Variants in THNSL1 observed in about 807,000 individuals in gnomAD.
The protein encoded by THNSL1 is threonine synthase like 1.
In THNSL1, 48 loss-of-function variants were observed where a neutral mutation model predicts 50.4. The ratio of observed to expected loss-of-function variants is 0.95; its 90% CI spans 0.76 to 1.21. The LOEUF is 1.21. Ranked by LOEUF, THNSL1 falls within the 50% of genes most tolerant of loss-of-function variation. The probability of loss-of-function intolerance (pLI) is 0.00; values close to 1 mark genes in which losing one functional copy is unlikely to be tolerated. For missense variants in THNSL1, 896 were observed against 871.7 expected, an observed-to-expected ratio of 1.03 and a Z score of -0.35; for synonymous variants, 309 against 306.1, an observed-to-expected ratio of 1.01 and a Z score of -0.10.
At chr10:24,954,769 C>T in the THNSL1 span, among the ~76,000 whole-genome samples, 6 of 152,052 alleles carry the variant, frequency 3.9e-5, no homozygotes, top group South Asian at 2.1e-4. Context: ...ATACTTTGTG[C>T]GGTCTGATTA....
the THNSL1 span, among the ~76,000 whole-genome samples, chr10:25,006,995 G>A: frequency 6.6e-6 from 1 of 152,132 alleles, no homozygotes; most frequent in African/African-American, 2.4e-5. Context: ...GCTATTAATA[G>A]TATTCTTGTG....
the THNSL1 span, among the ~76,000 whole-genome samples, chr10:24,989,721 G>A: frequency 6.6e-6 from 1 of 152,110 alleles, no homozygotes. Flanking sequence ...TTTCAACAGA[G>A]ATTAATAATA....
the THNSL1 span, among the ~76,000 whole-genome samples, chr10:24,971,234 G>C: frequency 6.6e-6 from 1 of 152,154 alleles, no homozygotes; most frequent in Non-Finnish European, 1.5e-5. Context: ...GAATAGATGG[G>C]ACTACAGGTG....
chr10:25,018,227 AC>A (rs1300477241), intron 1 of THNSL1, among the ~76,000 whole-genome samples: 2 of 152,214 alleles, frequency 1.3e-5, no homozygotes, highest in Non-Finnish European at 2.9e-5. Flanking sequence ...TTTTTCTTAG[AC>A]ATTTGATCTG....
At chr10:24,997,377 CT>C in the THNSL1 span, among the ~76,000 whole-genome samples, 10,547 of 138,980 alleles carry the variant, frequency 0.076, 390 homozygotes, top group African/African-American at 0.11. Flanking sequence ...CCCTGCATTC[CT>C]TTTTTTTTTT....
chr10:24,980,380 C>A, the THNSL1 span, among the ~76,000 whole-genome samples: 1 of 152,082 alleles, frequency 6.6e-6, no homozygotes, highest in African/African-American at 2.4e-5. Context: ...TCCACTAATT[C>A]TTCAGTCTCA....
the THNSL1 span, among the ~76,000 whole-genome samples, chr10:24,961,023 T>C: frequency 1.3e-5 from 2 of 152,242 alleles, no homozygotes; most frequent in African/African-American, 4.8e-5. Flanking sequence ...TGTTTATAAC[T>C]TTTTAAAAGA....
chr10:25,020,274 C>CTG (rs1850692787), intron 1 of THNSL1, among the ~76,000 whole-genome samples: 1 of 97,368 alleles, frequency 1.0e-5, no homozygotes, highest in Non-Finnish European at 2.5e-5. Context: ...ATATCTATAT[C>CTG]TATATATATC....
At chr10:25,002,651 A>G in the THNSL1 span, among the ~76,000 whole-genome samples, 1 of 152,180 alleles carries the variant, frequency 6.6e-6, no homozygotes, top group Admixed American at 6.5e-5. Context: ...GGTTGAAAGC[A>G]GTTCAGCTAT....
chr10:25,000,655 T>A, the THNSL1 span, among the ~76,000 whole-genome samples: 3 of 152,090 alleles, frequency 2.0e-5, no homozygotes, highest in Admixed American at 1.3e-4. Flanking sequence ...TTTGTAATAG[T>A]ATATGTTTTT....
the THNSL1 span, chr10:24,999,259 C>T: frequency 2.5e-6 from 2 of 798,284 alleles, no homozygotes; most frequent in Non-Finnish European, 3.8e-6. Flanking sequence ...TCTCTACTTC[C>T]ACTTTCTCCT....
chr10:25,025,578 C>G lies in THNSL1; in HGVS notation c.*123C>G. 1 of 960,354 alleles carries G rather than the reference C, an allele frequency of 1.0e-6. No homozygotes were observed. Among genetic ancestry groups the G allele is most frequent in the East Asian group, 2.6e-5 (1 of 37,978 alleles). 59.5% of individuals were successfully genotyped at this position (960,354 alleles called of 1,614,324 possible). ...ATATCTCTATATCTGTTTGGAATTT[C>G]AAAAGTCTGATCTCTAGGGCTGACA... On this transcript the variant is annotated 3_prime_UTR_variant, in exon 3 of 3. Transcript: ENST00000376356.
the THNSL1 span, among the ~76,000 whole-genome samples, chr10:24,999,818 C>A: frequency 6.6e-6 from 1 of 151,974 alleles, no homozygotes; most frequent in Non-Finnish European, 1.5e-5. Flanking sequence ...GTGATGTCAC[C>A]CCTCTCATTC....
chr10:25,022,204 T>C (rs1036066341), intron 2 of THNSL1, among the ~76,000 whole-genome samples: 2 of 152,164 alleles, frequency 1.3e-5, no homozygotes, highest in Admixed American at 1.3e-4. Context: ...TTTGTTTTAA[T>C]GGTGAGTATA....
the THNSL1 span, among the ~76,000 whole-genome samples, chr10:24,976,691 A>G: frequency 2.9e-3 from 436 of 151,882 alleles, 3 homozygotes; most frequent in Non-Finnish European, 5.3e-3. Flanking sequence ...CAGGGTTTTC[A>G]CCATGTTGGC....
chr10:24,973,094 G>A, the THNSL1 span, among the ~76,000 whole-genome samples: 19 of 152,104 alleles, frequency 1.2e-4, no homozygotes, highest in Non-Finnish European at 1.9e-4. Context: ...ATAGATCTTA[G>A]CAACCTCTGC....
chr10:24,955,814 C>T, the THNSL1 span, among the ~76,000 whole-genome samples: 3 of 151,916 alleles, frequency 2.0e-5, no homozygotes, highest in Non-Finnish European at 2.9e-5. Flanking sequence ...GGTGTGGTAG[C>T]GTGGCACCTG....
the THNSL1 span, chr10:24,982,447 T>C: frequency 6.6e-6 from 1 of 152,228 alleles, no homozygotes; most frequent in Non-Finnish European, 1.5e-5. Flanking sequence ...ATCTTTATTC[T>C]ACCCATTCTT....
the THNSL1 span, among the ~76,000 whole-genome samples, chr10:24,967,448 G>A: frequency 6.6e-6 from 1 of 152,178 alleles, no homozygotes; most frequent in African/African-American, 2.4e-5. Context: ...TGGAGGTAGT[G>A]GGGGAAGGAT....
Sources: allele counts gnomAD v4.1 joint callset (sites outside exome capture counted in the v4.1 genomes callset), GRCh38; gene constraint gnomAD v4.1.1; transcripts MANE v1.5; gene names NCBI Gene and HGNC (gene_info 2026-07-23, HGNC 2026-07-21).